Variants in UBXN6 observed in about 807,000 individuals in gnomAD.
UBXN6 encodes the protein UBX domain protein 6, also known as UBX domain-containing protein 6.
UBXN6 carries 44 observed loss-of-function variants against 51.4 expected under a neutral mutation model. The ratio of observed to expected loss-of-function variants is 0.86; its 90% CI spans 0.67 to 1.10. The LOEUF is 1.10. Ranked by LOEUF, UBXN6 falls within the 50% of genes least tolerant of loss-of-function variation. The probability of loss-of-function intolerance (pLI) is 0.00; values close to 1 mark genes in which losing one functional copy is unlikely to be tolerated. For synonymous variants in UBXN6, 316 were observed against 263.2 expected (o/e 1.20, Z -1.94); for missense variants, 672 against 596.1 (o/e 1.13, Z -1.32).
chr19:4,445,490 CT>C lies in UBXN6; in HGVS notation c.*7del, dbSNP rs1319218638. ...ACCCACAGGGCTGAGGCCAACCCTGCTTTTATTTCACAAGAGCTTCTCGATG... is the reference window on the plus strand; with the variant it reads ...ACCCACAGGGCTGAGGCCAACCCTGCTTTATTTCACAAGAGCTTCTCGATG... On this transcript the variant is annotated 3_prime_UTR_variant, in exon 11 of 11. Transcript: ENST00000301281. 6.2e-7 allele frequency: 1 copy of C among 1,613,788 alleles called. No homozygotes were observed. The highest frequency in any genetic ancestry group is 1.7e-5 in the Admixed American group (1 of 60,020).
intron 4 of UBXN6, 116 bp from the exon 5 acceptor site, chr19:4,448,531 C>T: frequency 1.3e-6 from 1 of 797,040 alleles, no homozygotes; most frequent in South Asian, 1.6e-5. Flanking sequence ...GGAGCGGCCC[C>T]AGCTGTGCGC....
chr19:4,450,502 T>C (rs1233222685), intron 4 of UBXN6: 1 of 151,278 alleles, frequency 6.6e-6, no homozygotes, highest in East Asian at 2.0e-4. Context: ...CTCCCGCCTG[T>C]AATCCCAGCA....
At chr19:4,450,722 G>A (rs1974637554) in intron 4 of UBXN6, 1 of 117,996 alleles carries the variant, frequency 8.5e-6, no homozygotes, top group Admixed American at 1.3e-4. Context: ...TGGCGCCACT[G>A]CACTCCAGCC....
chr19:4,445,586 G>C lies in UBXN6; in HGVS notation c.1238C>G (p.Ala413Gly), dbSNP rs146350492. Residue 413 changes from alanine to glycine, a missense_variant, in exon 11 of 11, where the codon GCT becomes GGT. Coordinates refer to ENST00000301281, the MANE Select transcript of UBXN6 (RefSeq NM_025241.3). ...SALLTFSWDMAVLEDIKAAGA... is the reference protein window; with the variant it reads ...SALLTFSWDMGVLEDIKAAGA... ...CGCGGCCTTGATGTCCTCCAGCACA[G>C]CCATGTCCCACGAGAAGGTCAGGAG... 2.6e-4 allele frequency: 424 copies of C among 1,613,720 alleles called. 3 individuals carry two copies. In the African/African-American group the frequency reaches 4.6e-3, roughly 17 times the overall value.
Position 4,452,289 on chromosome 19 carries a change from C to G in UBXN6, c.441+75G>C, listed in dbSNP as rs1420145756. 17 of 1,576,104 alleles carry G rather than the reference C, an allele frequency of 1.1e-5. No homozygotes were observed. The Admixed American group carries it at 2.7e-4, about 25-fold the overall frequency. ...GGACTCTGGGAGGGATCTGTACCACCTGGGCTTCCGATGGAGGGTGGCTCA... is the reference window on the plus strand; with the variant it reads ...GGACTCTGGGAGGGATCTGTACCACGTGGGCTTCCGATGGAGGGTGGCTCA... On this transcript the variant is annotated intron_variant, in intron 4 of 10. Transcript: ENST00000301281.
At chr19:4,455,323 CA>C in intron 1 of UBXN6, 7 of 985,198 alleles carry the variant, frequency 7.1e-6, no homozygotes, top group Non-Finnish European at 8.4e-6. Context: ...CATACCCGGG[CA>C]GCCCTCCCTC....
chr19:4,448,478 C>T, intron 4 of UBXN6, 63 bp from the exon 5 acceptor site: 2 of 1,366,046 alleles, frequency 1.5e-6, no homozygotes. Flanking sequence ...CCCTCCGCTG[C>T]CCAGGTAACA....
At chr19:4,447,030 C>T in intron 6 of UBXN6, 110 bp from the exon 7 acceptor site, 2 of 1,117,222 alleles carry the variant, frequency 1.8e-6, no homozygotes, top group Non-Finnish European at 2.6e-6. Flanking sequence ...GCTGTCGACC[C>T]CTGGATGGGG....
At chr19:4,451,613 T>G (rs1974655061) in intron 4 of UBXN6, among the ~76,000 whole-genome samples, 1 of 152,094 alleles carries the variant, frequency 6.6e-6, no homozygotes, top group Non-Finnish European at 1.5e-5. Context: ...AAGTGAGGAC[T>G]TGCTGTATTG....
chr19:4,447,496 G>C, intron 6 of UBXN6, 54 bp downstream of exon 6: 1 of 1,601,380 alleles, frequency 6.2e-7, no homozygotes, highest in Non-Finnish European at 8.5e-7. Flanking sequence ...GGCTCCTGCA[G>C]GCCAGCTGCC....
chr19:4,447,378 GCT>G, intron 6 of UBXN6, 170 bp downstream of exon 6: 1 of 656,900 alleles, frequency 1.5e-6, no homozygotes, highest in Non-Finnish European at 2.7e-6. Flanking sequence ...TAAAAGTCTT[GCT>G]CTCCATCTTG....
At chr19:4,456,060 T>C (rs1326754890) in intron 1 of UBXN6, among the ~76,000 whole-genome samples, 1 of 145,706 alleles carries the variant, frequency 6.9e-6, no homozygotes, top group Non-Finnish European at 1.5e-5. Flanking sequence ...CCACACACCC[T>C]GGATATGCAG....
In UBXN6 at chr19:4,457,739, G is replaced by C. The variant is rs1974761411; in HGVS notation, c.-42C>G. ...GCGGCGGGGGGCCGCGGGGGCGGGG[G>C]GGCACGGGGCCCAGTCGGGGACGGG... is the stretch of plus-strand genomic sequence containing the variant. On this transcript the variant is annotated 5_prime_UTR_variant, in exon 1 of 11. Coordinates refer to ENST00000301281, the MANE Select transcript of UBXN6 (RefSeq NM_025241.3). 1.4e-6 allele frequency: 2 copies of C among 1,389,572 alleles called. No individual in the cohort carries two copies. The highest frequency in any genetic ancestry group is 2.3e-5 in the Admixed American group (1 of 44,126). 86.1% of individuals were successfully genotyped at this position (1,389,572 alleles called of 1,614,324 possible).
chr19:4,446,435 C>A (rs243388), intron 8 of UBXN6, 22 bp from the exon 9 acceptor site: 1 of 1,577,968 alleles, frequency 6.3e-7, no homozygotes, highest in South Asian at 1.1e-5. Context: ...GGCCAGGTCA[C>A]GAGGGCTGGC....
Position 4,448,375 on chromosome 19 carries a change from ATCT to A in UBXN6, c.479_481del (p.Lys160del), listed in dbSNP as rs753495583. On this transcript the variant is annotated inframe_deletion, in exon 5 of 11. Coordinates refer to ENST00000301281, the MANE Select transcript of UBXN6 (RefSeq NM_025241.3). Reference sequence around the variant, plus strand: ...GTCCTGGTCTTTGTTGAACGTGTAGATCTTCATGATGGAGGCGGCCACTGGGTC... The same window carrying A: ...GTCCTGGTCTTTGTTGAACGTGTAGATCATGATGGAGGCGGCCACTGGGTC... The A allele has an allele frequency of 5.0e-6, 8 of 1,610,512 alleles. No homozygotes were observed. In the South Asian group the frequency reaches 7.7e-5, roughly 16 times the overall value.
At chr19:4,448,589 C>T in intron 4 of UBXN6, 174 bp from the exon 5 acceptor site, 1 of 625,930 alleles carries the variant, frequency 1.6e-6, no homozygotes, top group South Asian at 1.9e-5. Context: ...CAGCCCTGCC[C>T]ACGCCCCAGG....
At chr19:4,455,170 C>T (rs1206661709) in intron 1 of UBXN6, 4 of 980,324 alleles carry the variant, frequency 4.1e-6, no homozygotes, top group East Asian at 1.1e-4. Flanking sequence ...CCAACCTGCT[C>T]GGACGCGTCT....
chr19:4,446,631 C>G lies in UBXN6; in HGVS notation c.789G>C (p.Ala263=). The change falls in exon 8 of 11, where the codon GCG becomes GCC. Residue 263 remains alanine, a synonymous_variant. Coordinates refer to ENST00000301281, the MANE Select transcript of UBXN6 (RefSeq NM_025241.3). ...TGTCCAGCTTGGCGCGCACGGGCTC[C>G]GCAGCCAGCAGCTGTTCCTTGTGCC... ...LERHKEQLLA[A]EPVRAKLDRQ... is the part of the protein sequence containing the mutation. The G allele has an allele frequency of 6.2e-7, 1 of 1,612,516 alleles. No individual in the cohort carries two copies. Among genetic ancestry groups the G allele is most frequent in the Non-Finnish European group, 8.5e-7 (1 of 1,179,728 alleles).
rs183725976 is a variant in UBXN6 at position 4,446,187 on chromosome 19, G to C, written c.1062C>G (p.Tyr354Ter). ...PDGCLLQGTF[Y>*]ARERLGAVYG... ...ACACCGCCCCCAGCCGCTCCCGAGC[G>C]TAGAAAGTGCCTGGGGAGTGGGGGA... The change falls in exon 10 of 11, where the codon TAC becomes TAG. Residue 354 changes from tyrosine to a stop codon, truncating the protein, a stop_gained. Coordinates refer to ENST00000301281, the MANE Select transcript of UBXN6 (RefSeq NM_025241.3). LOFTEE classifies it high-confidence loss of function. 1 of 1,604,522 alleles carries C rather than the reference G, an allele frequency of 6.2e-7. No individual in the cohort carries two copies. Among genetic ancestry groups the C allele is most frequent in the Admixed American group, 1.7e-5 (1 of 59,226 alleles).
Sources: allele counts gnomAD v4.1 joint callset (sites outside exome capture counted in the v4.1 genomes callset), GRCh38; gene constraint gnomAD v4.1.1; transcripts MANE v1.5; gene names NCBI Gene and HGNC (gene_info 2026-07-23, HGNC 2026-07-21).